Variants in RFX4 observed in about 807,000 individuals in gnomAD.
RFX4 encodes transcription factor RFX4.
Under a neutral mutation model 95.0 loss-of-function variants are expected in RFX4, and 10 were observed. That is an observed-to-expected ratio of 0.11 (90% CI 0.06 to 0.18). RFX4 has a LOEUF of 0.18. Among genes scored for constraint, RFX4 ranks in the 10% least tolerant of loss-of-function variants. The pLI is 1.00. For synonymous variants in RFX4, 321 were observed against 340.7 expected (o/e 0.94, Z 0.64); for missense variants, 640 against 922.0 (o/e 0.69, Z 3.96).
intron 4 of RFX4, among the ~76,000 whole-genome samples, chr12:106,679,474 A>C (rs199541189): frequency 6.8e-5 from 10 of 146,134 alleles, no homozygotes; most frequent in Non-Finnish European, 1.2e-4. Flanking sequence ...CAAAAAAAAA[A>C]ACCAAAAACC....
intron 6 of RFX4, among the ~76,000 whole-genome samples, 193 bp downstream of exon 6, chr12:106,687,290 A>G (rs972895014): frequency 3.3e-5 from 5 of 151,964 alleles, no homozygotes; most frequent in African/African-American, 1.2e-4. Flanking sequence ...GAGGTGGCTC[A>G]TGCCTGTAAT....
At chr12:106,598,644 G>A (rs1459234009) in intron 1 of RFX4, among the ~76,000 whole-genome samples, 2 of 152,188 alleles carry the variant, frequency 1.3e-5, no homozygotes, top group African/African-American at 4.8e-5. Flanking sequence ...TTCAGGCTGG[G>A]TTAAAATCTA....
chr12:106,749,257 CAA>C (rs1162244017), intron 16 of RFX4, among the ~76,000 whole-genome samples: 925 of 49,234 alleles, frequency 0.019, 15 homozygotes, highest in African/African-American at 0.056. Flanking sequence ...TACTCCAACT[CAA>C]AAAAAAAAAA....
At chr12:106,610,020 T>TGCTGTATAGTATTTC (rs2039925968) in intron 2 of RFX4, among the ~76,000 whole-genome samples, 1 of 152,176 alleles carries the variant, frequency 6.6e-6, no homozygotes, top group African/African-American at 2.4e-5. Context: ...TCTTTTTCAT[T>TGCTGTATAGTATTTC]GCTGTATAGT....
chr12:106,740,243 C>A (rs971359519), intron 15 of RFX4, among the ~76,000 whole-genome samples: 1 of 152,210 alleles, frequency 6.6e-6, no homozygotes, highest in Admixed American at 6.5e-5. Context: ...TTCTCTACAT[C>A]AGTTGAGGAT....
chr12:106,589,939 C>T (rs774390947), intron 1 of RFX4, among the ~76,000 whole-genome samples: 11 of 152,260 alleles, frequency 7.2e-5, no homozygotes, highest in Non-Finnish European at 1.6e-4. Flanking sequence ...TTCATTCATT[C>T]ATCCAAGAAG....
chr12:106,604,246 G>C (rs949298594), intron 1 of RFX4, among the ~76,000 whole-genome samples: 6 of 150,160 alleles, frequency 4.0e-5, no homozygotes, highest in African/African-American at 1.5e-4. Context: ...TCAGCCTCCT[G>C]CGTAGCTGGG....
At chr12:106,699,601 T>C (rs2041947430) in intron 8 of RFX4, among the ~76,000 whole-genome samples, 1 of 152,234 alleles carries the variant, frequency 6.6e-6, no homozygotes, top group Non-Finnish European at 1.5e-5. Flanking sequence ...TTAGAACTGT[T>C]ATGTCTTATT....
intron 1 of RFX4, chr12:106,601,124 C>T (rs931945036): frequency 1.4e-6 from 2 of 1,428,216 alleles, no homozygotes; most frequent in Admixed American, 2.8e-5. Flanking sequence ...GCCCCTGGGG[C>T]AGGACCTGTG....
intron 5 of RFX4, among the ~76,000 whole-genome samples, chr12:106,685,211 T>C (rs572991828): frequency 3.8e-4 from 58 of 152,098 alleles, no homozygotes; most frequent in Non-Finnish European, 6.0e-4. Flanking sequence ...AATGGTTTTT[T>C]TTCTTCTTCT....
In RFX4 at chr12:106,761,999, T is replaced by C. The variant is rs1169904680; in HGVS notation, c.*530T>C. The C allele has an allele frequency of 6.5e-6, 1 of 152,764 alleles. No individual in the cohort carries two copies. The allele number at this position is 152,764 out of a possible 1,614,324, so 9.5% of individuals were successfully genotyped here. A position where few individuals can be genotyped will look rare whatever the true frequency, so the allele number is the denominator to read the frequency against. On this transcript the variant is annotated 3_prime_UTR_variant, in exon 18 of 18. Coordinates refer to ENST00000392842, the MANE Select transcript of RFX4 (RefSeq NM_213594.3). ...CCCTTCTTCCTGGTGGTACCATCCC[T>C]ATTTCCTGGAGCACCAGGGCTAAAT... is the stretch of plus-strand genomic sequence containing the variant.
intron 1 of RFX4, among the ~76,000 whole-genome samples, chr12:106,596,782 T>C (rs2039626163): frequency 6.6e-6 from 1 of 152,236 alleles, no homozygotes; most frequent in Admixed American, 6.5e-5. Context: ...TTTCAAGAGT[T>C]TTGCCTGTGT....
chr12:106,665,097 A>T lies in RFX4; in HGVS notation c.315+10746A>T, dbSNP rs192602567. 2.4e-4 allele frequency among the ~76,000 whole-genome samples: 36 copies of T among 151,932 alleles called. 1 individual carries two copies. In the East Asian group the frequency reaches 6.2e-3, roughly 26 times the overall value. ...TGATAGAGGGGTATTGAAGTTTCCA[A>T]CAGTGATACTGGATTCATCAATTTT... On this transcript the variant is annotated intron_variant, in intron 4 of 17. Coordinates refer to ENST00000392842, the MANE Select transcript of RFX4 (RefSeq NM_213594.3).
chr12:106,677,859 G>A (rs959926), intron 4 of RFX4, among the ~76,000 whole-genome samples: 20,334 of 152,054 alleles, frequency 0.13, 1,591 homozygotes, highest in East Asian at 0.27. Flanking sequence ...AAGGGGCTAG[G>A]TTCAGGAGAC....
chr12:106,624,625 G>C (rs2040253564), intron 2 of RFX4, among the ~76,000 whole-genome samples: 1 of 152,046 alleles, frequency 6.6e-6, no homozygotes, highest in Non-Finnish European at 1.5e-5. Flanking sequence ...CCTCGCCCGG[G>C]CTTTTTTTTT....
At chr12:106,630,521 C>G (rs2040397735) in intron 2 of RFX4, among the ~76,000 whole-genome samples, 1 of 152,288 alleles carries the variant, frequency 6.6e-6, no homozygotes, top group Admixed American at 6.5e-5. Flanking sequence ...GTGCCAGTCA[C>G]CCTGCTCATC....
At chr12:106,741,541 C>T (rs1432725416) in intron 15 of RFX4, among the ~76,000 whole-genome samples, 2 of 152,178 alleles carry the variant, frequency 1.3e-5, no homozygotes, top group African/African-American at 4.8e-5. Context: ...AATTAAGAAA[C>T]TGAATTTTAA....
At position 106,761,216 on chromosome 12, in the gene RFX4, C is replaced by A. The variant is rs201014945; in HGVS notation, c.1955C>A (p.Thr652Asn). ...SSAQYPFNSP[T>N]SRMEPCLMSS... The stretch of plus-strand genomic sequence containing the variant: ...AACAAGTACCCTTTTAATAGCCCCA[C>A]TTCCCGGATGGAACCTTGTTTGATG... Residue 652 changes from threonine (T) to asparagine (N), a missense_variant, in exon 18 of 18, where the codon ACT becomes AAT. Physicochemically the swap from Thr to Asn is moderately conservative, Grantham distance 65. Transcript: ENST00000392842. 5.3e-5 allele frequency: 86 copies of A among 1,612,992 alleles called. No individual in the cohort carries two copies. The Admixed American group carries it at 8.3e-4, about 16-fold the overall frequency.
intron 1 of RFX4, among the ~76,000 whole-genome samples, chr12:106,584,737 A>T (rs1332758460): frequency 6.6e-6 from 1 of 152,302 alleles, no homozygotes; most frequent in African/African-American, 2.4e-5. Flanking sequence ...CGGACACCGG[A>T]CTGCTCTTGC....
Sources: gnomAD v4.1 joint callset for allele counts (sites outside exome capture counted in the v4.1 genomes callset) on GRCh38, gnomAD v4.1.1 for gene constraint, MANE v1.5 for transcripts, NCBI Gene and HGNC (gene_info 2026-07-23, HGNC 2026-07-21) for gene names.